RLN2: variants seen among roughly 807,000 people sequenced by gnomAD.
RLN2 encodes the protein relaxin 2.
A neutral mutation model predicts 7.3 loss-of-function variants in RLN2; 10 were observed. That is an observed-to-expected ratio of 1.36 (90% CI 0.84 to 2.31). The LOEUF is 2.31. Among genes scored for constraint, RLN2 ranks in the 30% most tolerant of loss-of-function variants. The pLI, the probability that RLN2 is intolerant of heterozygous loss-of-function variation, is 0.00. For synonymous variants in RLN2, 103 were observed against 82.3 expected, an observed-to-expected ratio of 1.25 and a Z score of -1.36; for missense variants, 298 against 217.6, an observed-to-expected ratio of 1.37 and a Z score of -2.32.
At chr9:5,305,116 AATGG>A (rs1816219296), upstream of RLN2, 1 of 152,602 alleles carries the variant, frequency 6.6e-6, no homozygotes, top group African/African-American at 2.4e-5. Flanking sequence ...ATAAAAATAG[AATGG>A]ATGAATAAAT....
At chr9:5,332,749 G>A in the RLN2 span, among the ~76,000 whole-genome samples, 1 of 151,654 alleles carries the variant, frequency 6.6e-6, no homozygotes, top group Non-Finnish European at 1.5e-5. Flanking sequence ...CCGAGTAGCT[G>A]GGATTACAGG....
At chr9:5,333,560 A>C in the RLN2 span, among the ~76,000 whole-genome samples, 1 of 152,008 alleles carries the variant, frequency 6.6e-6, no homozygotes. Context: ...CCAGGTCCTG[A>C]TGGATTTACA....
At chr9:5,334,229 G>C in the RLN2 span, among the ~76,000 whole-genome samples, 2 of 152,126 alleles carry the variant, frequency 1.3e-5, no homozygotes, top group South Asian at 4.2e-4. Context: ...GTCAAATTGT[G>C]TTTGTTTGCA....
the RLN2 span, among the ~76,000 whole-genome samples, chr9:5,320,282 G>A: frequency 3.4e-5 from 5 of 148,542 alleles, no homozygotes; most frequent in East Asian, 2.0e-4. Flanking sequence ...CACCACACCC[G>A]GCAAACCTAA....
chr9:5,324,720 G>T, the RLN2 span, among the ~76,000 whole-genome samples: 1 of 151,940 alleles, frequency 6.6e-6, no homozygotes, highest in Admixed American at 6.6e-5. Flanking sequence ...ATAAAAGTAC[G>T]CAACCTTGCC....
the RLN2 span, among the ~76,000 whole-genome samples, chr9:5,318,054 T>C: frequency 2.1e-5 from 3 of 140,108 alleles, no homozygotes; most frequent in South Asian, 6.6e-4. Context: ...TTAGAAATAG[T>C]AGAGACAGGG....
the RLN2 span, chr9:5,311,352 A>G: frequency 4.7e-6 from 2 of 425,926 alleles, no homozygotes; most frequent in South Asian, 2.3e-5. Context: ...CCTCACTGGA[A>G]CTAATGTAGC....
upstream of RLN2, among the ~76,000 whole-genome samples, chr9:5,306,855 C>T (rs988810018): frequency 5.9e-5 from 9 of 152,142 alleles, no homozygotes; most frequent in Admixed American, 4.6e-4. Context: ...GCTGTAAGTG[C>T]TAGACATGGT....
the RLN2 span, among the ~76,000 whole-genome samples, chr9:5,315,832 TACTATACTCA>T: frequency 5.9e-5 from 9 of 152,130 alleles, no homozygotes; most frequent in African/African-American, 2.2e-4. Flanking sequence ...CAGGTGAGAA[TACTATACTCA>T]ACAAAGCTAT....
At chr9:5,321,738 A>T in the RLN2 span, among the ~76,000 whole-genome samples, 232 of 152,022 alleles carry the variant, frequency 1.5e-3, 5 homozygotes, top group African/African-American at 5.3e-3. Flanking sequence ...AAACACATGC[A>T]CTGTGGCTAA....
At chr9:5,328,934 A>C in the RLN2 span, among the ~76,000 whole-genome samples, 2 of 152,034 alleles carry the variant, frequency 1.3e-5, no homozygotes, top group Non-Finnish European at 2.9e-5. Context: ...TGAAGGAAGC[A>C]CTAAACATGG....
chr9:5,329,165 C>T, the RLN2 span, among the ~76,000 whole-genome samples: 8 of 150,530 alleles, frequency 5.3e-5, no homozygotes, highest in South Asian at 2.1e-4. Context: ...TAGCCGGGCG[C>T]GGTGGCGGGC....
At chr9:5,330,825 G>C in the RLN2 span, among the ~76,000 whole-genome samples, 1 of 143,734 alleles carries the variant, frequency 7.0e-6, no homozygotes, top group Non-Finnish European at 1.5e-5. Flanking sequence ...TTTTTGAAAA[G>C]ATCAACAAAA....
chr9:5,306,555 G>A (rs2130996130), upstream of RLN2, among the ~76,000 whole-genome samples: 1 of 152,120 alleles, frequency 6.6e-6, no homozygotes, highest in Non-Finnish European at 1.5e-5. Flanking sequence ...CTACTGCTAA[G>A]GATCACAGGC....
the RLN2 span, among the ~76,000 whole-genome samples, chr9:5,334,185 G>C: frequency 6.6e-5 from 10 of 152,144 alleles, 1 homozygote; most frequent in African/African-American, 1.9e-4. Flanking sequence ...TCAGGCAAGA[G>C]AAAGAAATAA....
the RLN2 span, among the ~76,000 whole-genome samples, chr9:5,310,601 C>G: frequency 6.6e-6 from 1 of 151,992 alleles, no homozygotes; most frequent in Non-Finnish European, 1.5e-5. Context: ...TACCTTTTCT[C>G]TCCTTTCTGA....
At chr9:5,311,170 GA>G in the RLN2 span, among the ~76,000 whole-genome samples, 2 of 151,954 alleles carry the variant, frequency 1.3e-5, no homozygotes, top group African/African-American at 4.8e-5. Flanking sequence ...AAATCTCTAA[GA>G]TTAGGAAAAA....
chr9:5,329,077 G>T, the RLN2 span, among the ~76,000 whole-genome samples: 4 of 151,762 alleles, frequency 2.6e-5, no homozygotes, highest in African/African-American at 9.7e-5. Context: ...GCCGAGGCGG[G>T]TGGATCATGA....
At chr9:5,324,353 T>C in the RLN2 span, among the ~76,000 whole-genome samples, 1 of 152,024 alleles carries the variant, frequency 6.6e-6, no homozygotes, top group Non-Finnish European at 1.5e-5. Context: ...TCAAAACAAA[T>C]GTGGCTTCAA....
Sources: allele counts gnomAD v4.1 joint callset (sites outside exome capture counted in the v4.1 genomes callset), GRCh38; gene constraint gnomAD v4.1.1; transcripts MANE v1.5; gene names NCBI Gene and HGNC (gene_info 2026-07-23, HGNC 2026-07-21).